PXDNL: variants seen among roughly 807,000 people sequenced by gnomAD.
PXDNL encodes peroxidasin like.
A neutral mutation model predicts 150.8 loss-of-function variants in PXDNL; 145 were observed. That is an observed-to-expected ratio of 0.96 (90% CI 0.84 to 1.10). The LOEUF (loss-of-function observed/expected upper bound fraction) is 1.10, where lower values mean the gene tolerates loss of function less well. Ranked by LOEUF, PXDNL falls within the 50% of genes least tolerant of loss-of-function variation. The probability of loss-of-function intolerance (pLI) is 0.00; values close to 1 mark genes in which losing one functional copy is unlikely to be tolerated. For missense variants in PXDNL, 2,087 were observed against 1,873.9 expected, an observed-to-expected ratio of 1.11 and a Z score of -2.10; for synonymous variants, 757 against 725.7, an observed-to-expected ratio of 1.04 and a Z score of -0.69.
intron 21 of PXDNL, among the ~76,000 whole-genome samples, chr8:51,329,848 T>A (rs889832378): frequency 1.3e-4 from 20 of 152,122 alleles, no homozygotes; most frequent in Admixed American, 4.6e-4. Flanking sequence ...CTATAAGGAA[T>A]TGGATCCATG....
intron 1 of PXDNL, among the ~76,000 whole-genome samples, chr8:51,750,232 G>C (rs536289599): frequency 2.0e-5 from 3 of 151,794 alleles, no homozygotes; most frequent in Non-Finnish European, 4.4e-5. Context: ...CTAAGACACA[G>C]ACACACACAT....
At chr8:51,352,239 G>C (rs1806375412) in intron 19 of PXDNL, among the ~76,000 whole-genome samples, 1 of 151,952 alleles carries the variant, frequency 6.6e-6, no homozygotes, top group Non-Finnish European at 1.5e-5. Flanking sequence ...CCCACTACTG[G>C]GTATTTACCA....
At chr8:51,325,877 C>T (rs1211865580) in intron 21 of PXDNL, among the ~76,000 whole-genome samples, 1 of 152,114 alleles carries the variant, frequency 6.6e-6, no homozygotes, top group East Asian at 1.9e-4. Context: ...GAGGTGGGGG[C>T]CACAGTTTCT....
intron 2 of PXDNL, among the ~76,000 whole-genome samples, chr8:51,626,354 T>G (rs979759895): frequency 2.0e-5 from 3 of 152,152 alleles, no homozygotes; most frequent in African/African-American, 7.2e-5. Context: ...AGAAAACCAT[T>G]CTCTATCTCA....
intron 5 of PXDNL, among the ~76,000 whole-genome samples, chr8:51,495,107 G>C (rs964392855): frequency 6.6e-6 from 1 of 152,034 alleles, no homozygotes; most frequent in African/African-American, 2.4e-5. Context: ...AATCAAACTA[G>C]AACCCAGGAT....
chr8:51,332,987 A>G (rs147102866), intron 21 of PXDNL, among the ~76,000 whole-genome samples: 5,323 of 152,278 alleles, frequency 0.035, 192 homozygotes, highest in African/African-American at 0.086. Context: ...AGCACAAAGA[A>G]CACCTGGGGA....
At chr8:51,716,840 A>C (rs909831890) in intron 1 of PXDNL, among the ~76,000 whole-genome samples, 8 of 152,240 alleles carry the variant, frequency 5.3e-5, no homozygotes, top group African/African-American at 1.7e-4. Flanking sequence ...CATAGCAAGC[A>C]AGGGGAAGAG....
intron 19 of PXDNL, among the ~76,000 whole-genome samples, chr8:51,348,746 C>T (rs1806242351): frequency 6.6e-6 from 1 of 152,050 alleles, no homozygotes; most frequent in South Asian, 2.1e-4. Flanking sequence ...TTTACAATAA[C>T]CTATACTCAA....
chr8:51,701,417 T>C (rs1283457171), intron 1 of PXDNL, among the ~76,000 whole-genome samples: 4 of 152,148 alleles, frequency 2.6e-5, no homozygotes, highest in African/African-American at 9.7e-5. Flanking sequence ...ACAGATTTAA[T>C]GCATTATTCA....
chr8:51,469,842 G>A (rs1385258976), intron 8 of PXDNL, among the ~76,000 whole-genome samples: 1 of 152,008 alleles, frequency 6.6e-6, no homozygotes, highest in Admixed American at 6.6e-5. Context: ...AACATTTCTT[G>A]TCATAAACTC....
At chr8:51,605,461 T>G (rs759503589) in intron 2 of PXDNL, among the ~76,000 whole-genome samples, 4 of 151,888 alleles carry the variant, frequency 2.6e-5, no homozygotes, top group Admixed American at 6.6e-5. Flanking sequence ...AAATATGAAA[T>G]GCATACAGAT....
At chr8:51,631,774 T>C (rs1408630346) in intron 2 of PXDNL, among the ~76,000 whole-genome samples, 3 of 152,148 alleles carry the variant, frequency 2.0e-5, no homozygotes, top group Non-Finnish European at 4.4e-5. Context: ...AGTAACAACA[T>C]AACAGTGGAG....
chr8:51,693,626 C>T (rs1172986029), intron 1 of PXDNL, among the ~76,000 whole-genome samples: 1 of 152,098 alleles, frequency 6.6e-6, no homozygotes, highest in African/African-American at 2.4e-5. Context: ...TACAATTAGC[C>T]AGGCATGGTG....
At chr8:51,560,627 C>A (rs1413424443) in intron 3 of PXDNL, among the ~76,000 whole-genome samples, 1 of 151,828 alleles carries the variant, frequency 6.6e-6, no homozygotes, top group Non-Finnish European at 1.5e-5. Context: ...AAACTGGAAC[C>A]TTGTACCATA....
intron 1 of PXDNL, among the ~76,000 whole-genome samples, chr8:51,707,162 G>A (rs1417206910): frequency 1.3e-5 from 2 of 152,182 alleles, no homozygotes; most frequent in Non-Finnish European, 2.9e-5. Flanking sequence ...GATATTTTCA[G>A]TGGTTTGTTT....
chr8:51,515,496 G>A (rs191261926), intron 4 of PXDNL, among the ~76,000 whole-genome samples: 15 of 152,262 alleles, frequency 9.9e-5, no homozygotes, highest in Admixed American at 5.9e-4. Flanking sequence ...AGCGCACTGC[G>A]GATGTTTCTT....
chr8:51,347,022 T>C (rs1011501196), intron 19 of PXDNL, among the ~76,000 whole-genome samples: 52 of 152,296 alleles, frequency 3.4e-4, no homozygotes, highest in African/African-American at 1.2e-3. Flanking sequence ...CATTCTCAGA[T>C]AGTAAAACTA....
chr8:51,441,522 C>T (rs1310688370), intron 12 of PXDNL, among the ~76,000 whole-genome samples: 1 of 152,114 alleles, frequency 6.6e-6, no homozygotes, highest in East Asian at 1.9e-4. Flanking sequence ...AGCTGAGAGA[C>T]AGAGCAGCAT....
intron 2 of PXDNL, among the ~76,000 whole-genome samples, chr8:51,644,388 ATGTGTATATATATACACATGTGTG>A (rs1563493842): frequency 1.4e-3 from 50 of 35,440 alleles, no homozygotes; most frequent in African/African-American, 3.7e-3. Context: ...ACACACACAT[ATGTGTATATATATACACATGTGTG>A]TGTATATATA....
Sources: allele counts gnomAD v4.1 joint callset (sites outside exome capture counted in the v4.1 genomes callset), GRCh38; gene constraint gnomAD v4.1.1; transcripts MANE v1.5; gene names NCBI Gene and HGNC (gene_info 2026-07-23, HGNC 2026-07-21).